Variants in MAGI2 observed in about 807,000 individuals in gnomAD.
The protein encoded by MAGI2 is membrane-associated guanylate kinase, WW and PDZ domain-containing protein 2.
In MAGI2, 35 loss-of-function variants were observed where a neutral mutation model predicts 133.3. The ratio of observed to expected loss-of-function variants is 0.26; its 90% confidence interval spans 0.20 to 0.35. The LOEUF (loss-of-function observed/expected upper bound fraction) is 0.35. Ranked by LOEUF, MAGI2 falls within the 10% of genes least tolerant of loss-of-function variation. The probability of loss-of-function intolerance (pLI) is 1.00; values close to 1 mark genes in which losing one functional copy is unlikely to be tolerated. For synonymous variants in MAGI2, 729 were observed against 710.6 expected, an observed-to-expected ratio of 1.03 and a Z score of -0.41; for missense variants, 1,636 against 1,863.4, an observed-to-expected ratio of 0.88 and a Z score of 2.25.
rs570369107 is a variant in MAGI2 at position 78,808,035 on chromosome 7, A to G, written c.419-180796T>C. On this transcript the variant is annotated intron_variant, in intron 2 of 21. Transcript: ENST00000354212. ...CTAAGGAATAAAAAAAGAGGCACAT[A>G]GTTTCGGGTCTTGAGCTGTTAATGA... Among the ~76,000 whole-genome samples the G allele has an allele frequency of 2.0e-5, 3 of 152,314 alleles. No individual in the cohort carries two copies. The East Asian group carries it at 5.8e-4, about 29-fold the overall frequency.
chr7:78,196,479 T>C (rs909640969), intron 11 of MAGI2, among the ~76,000 whole-genome samples: 1 of 152,218 alleles, frequency 6.6e-6, no homozygotes, highest in Non-Finnish European at 1.5e-5. Context: ...TTGGCAGGAT[T>C]GTAACTTTCT....
intron 2 of MAGI2, chr7:79,006,526 T>A: frequency 6.6e-6 from 1 of 152,154 alleles, no homozygotes; most frequent in East Asian, 1.9e-4. Flanking sequence ...TCAGAAACGA[T>A]TGTTTATGGA....
intron 10 of MAGI2, among the ~76,000 whole-genome samples, chr7:78,210,078 T>A (rs1787619288): frequency 1.3e-5 from 2 of 152,224 alleles, no homozygotes; most frequent in African/African-American, 2.4e-5. Context: ...GCATTTTTCC[T>A]TTATATGGTT....
intron 2 of MAGI2, among the ~76,000 whole-genome samples, chr7:78,835,064 G>C (rs192773218): frequency 6.1e-4 from 93 of 152,278 alleles, no homozygotes; most frequent in African/African-American, 2.2e-3. Context: ...CTTTACAGCA[G>C]TGCAGGAGCA....
At chr7:78,966,363 G>C (rs1450040631) in intron 2 of MAGI2, among the ~76,000 whole-genome samples, 1 of 151,960 alleles carries the variant, frequency 6.6e-6, no homozygotes, top group South Asian at 2.1e-4. Flanking sequence ...CCTGGCAATC[G>C]TCATTCTACT....
At chr7:78,249,657 A>G (rs959490160) in intron 10 of MAGI2, among the ~76,000 whole-genome samples, 1 of 152,136 alleles carries the variant, frequency 6.6e-6, no homozygotes, top group African/African-American at 2.4e-5. Flanking sequence ...AAAAGAGTTC[A>G]TCTCATAGAA....
intron 21 of MAGI2, among the ~76,000 whole-genome samples, chr7:78,048,766 A>G (rs933222923): frequency 1.3e-5 from 2 of 152,198 alleles, no homozygotes; most frequent in Non-Finnish European, 2.9e-5. Context: ...TAGTTTTAAG[A>G]CATTCTGGGA....
chr7:79,360,689 A>C (rs1842324265), intron 1 of MAGI2, among the ~76,000 whole-genome samples: 1 of 152,090 alleles, frequency 6.6e-6, no homozygotes, highest in African/African-American at 2.4e-5. Flanking sequence ...CAGAGCAGCC[A>C]CCCAAAAACT....
chr7:78,304,871 G>C (rs1003720061), intron 9 of MAGI2, among the ~76,000 whole-genome samples: 2 of 152,100 alleles, frequency 1.3e-5, no homozygotes, highest in African/African-American at 2.4e-5. Context: ...CAGGTGGAGG[G>C]AACAAGTGCA....
At chr7:78,248,008 T>A (rs1258364679) in intron 10 of MAGI2, among the ~76,000 whole-genome samples, 1 of 152,146 alleles carries the variant, frequency 6.6e-6, no homozygotes, top group East Asian at 1.9e-4. Flanking sequence ...AGAGAGGTCC[T>A]CACTGAGACA....
Position 79,376,315 on chromosome 7 carries a change from A to T in MAGI2, c.301+76705T>A, listed in dbSNP as rs6947186. The stretch of plus-strand genomic sequence containing the variant: ...AGAACAATTATAACAATACACTGTA[A>T]GAAAAGTTATATGAATATGGTTTCT... On this transcript the variant is annotated intron_variant, in intron 1 of 21. Coordinates refer to ENST00000354212, the MANE Select transcript of MAGI2 (RefSeq NM_012301.4). Among the ~76,000 whole-genome samples, 36 of 151,922 alleles carry T rather than the reference A, an allele frequency of 2.4e-4. No individual in the cohort carries two copies. In the East Asian group the frequency reaches 3.5e-3, roughly 15 times the overall value.
chr7:78,266,194 C>T (rs767078235), intron 9 of MAGI2, among the ~76,000 whole-genome samples: 21 of 152,118 alleles, frequency 1.4e-4, no homozygotes, highest in Non-Finnish European at 2.6e-4. Context: ...TTTTAAGACA[C>T]GTAGAGCAGT....
chr7:78,577,221 A>T (rs1203909164), intron 3 of MAGI2, among the ~76,000 whole-genome samples: 1 of 152,222 alleles, frequency 6.6e-6, no homozygotes, highest in African/African-American at 2.4e-5. Flanking sequence ...TATGGAAAAT[A>T]ACTAAAATTC....
chr7:79,433,234 T>C (rs971042018), intron 1 of MAGI2, among the ~76,000 whole-genome samples: 1 of 152,070 alleles, frequency 6.6e-6, no homozygotes, highest in African/African-American at 2.4e-5. Flanking sequence ...GGGTACACTT[T>C]AAGGCAGGAG....
chr7:78,811,513 GA>G (rs139054135), intron 2 of MAGI2, among the ~76,000 whole-genome samples: 7 of 151,876 alleles, frequency 4.6e-5, no homozygotes, highest in Admixed American at 4.6e-4. Flanking sequence ...TAGAATTTGG[GA>G]AAAAATCATA....
chr7:78,452,218 T>G (rs562747139), intron 6 of MAGI2, among the ~76,000 whole-genome samples: 2 of 152,112 alleles, frequency 1.3e-5, no homozygotes, highest in South Asian at 4.1e-4. Context: ...TAAAATAACT[T>G]GATCAAGCTC....
At chr7:79,134,160 A>G (rs2129545552) in intron 1 of MAGI2, among the ~76,000 whole-genome samples, 1 of 152,308 alleles carries the variant, frequency 6.6e-6, no homozygotes, top group Admixed American at 6.5e-5. Flanking sequence ...TAAAATTGCA[A>G]TACTGACTTT....
At chr7:78,385,343 T>C (rs778425227) in intron 6 of MAGI2, among the ~76,000 whole-genome samples, 4 of 152,200 alleles carry the variant, frequency 2.6e-5, no homozygotes, top group Non-Finnish European at 5.9e-5. Flanking sequence ...AGTGCCCATC[T>C]TATCCTTGTT....
chr7:78,800,772 A>G (rs1414343469), intron 2 of MAGI2, among the ~76,000 whole-genome samples: 1 of 152,238 alleles, frequency 6.6e-6, no homozygotes, highest in East Asian at 1.9e-4. Flanking sequence ...TAATGAATTC[A>G]CACTTAGTCA....
Sources: gnomAD v4.1 joint callset for allele counts (sites outside exome capture counted in the v4.1 genomes callset) on GRCh38, gnomAD v4.1.1 for gene constraint, MANE v1.5 for transcripts, NCBI Gene and HGNC (gene_info 2026-07-23, HGNC 2026-07-21) for gene names.